AGK: variants seen among roughly 807,000 people sequenced by gnomAD.
The protein encoded by AGK is acylglycerol kinase.
AGK carries 52 observed loss-of-function variants against 66.4 expected under a neutral mutation model. The observed-to-expected ratio is 0.78, with a 90% CI of 0.63 to 0.99. AGK has a LOEUF of 0.99. AGK is among the 50% of genes least tolerant of loss of function. AGK has a pLI of 0.00. For missense variants in AGK, 451 were observed against 506.6 expected (o/e 0.89, Z 1.05); for synonymous variants, 182 against 181.1 (o/e 1.00, Z -0.04).
Position 141,620,063 on chromosome 7 carries a change from G to C in AGK, c.519-1669G>C, listed in dbSNP as rs73518070. 3.6e-3 allele frequency among the ~76,000 whole-genome samples: 548 copies of C among 151,030 alleles called. 4 individuals carry two copies. Among genetic ancestry groups the C allele is most frequent in the African/African-American group, 0.013 (515 of 41,076 alleles). On this transcript the variant is annotated intron_variant, in intron 8 of 15. Transcript: ENST00000649286. ...GATGAATTTCAAGCTCATGCTAAGA[G>C]AAAAAAACTGAACTGGAAAGGCTCC...
intron 2 of AGK, among the ~76,000 whole-genome samples, chr7:141,588,435 G>A (rs1469467755): frequency 2.6e-5 from 4 of 152,118 alleles, no homozygotes; most frequent in African/African-American, 4.8e-5. Context: ...TTCAAGATCA[G>A]CCTGGCCAAC....
intron 2 of AGK, among the ~76,000 whole-genome samples, chr7:141,586,419 G>A (rs183233377): frequency 2.6e-5 from 4 of 152,304 alleles, no homozygotes. Flanking sequence ...AAGCATGCCT[G>A]TCTGAGCACA....
rs1193601067 is a variant in AGK at position 141,653,658 on chromosome 7, G to A, written c.*734G>A. 1 of 152,132 alleles carries A rather than the reference G, an allele frequency of 6.6e-6. No homozygotes were observed. The highest frequency in any genetic ancestry group is 1.5e-5 in the Non-Finnish European group (1 of 68,022). The allele number at this position is 152,132 out of a possible 1,614,324, so 9.4% of individuals were successfully genotyped here. The stretch of plus-strand genomic sequence containing the variant: ...CCCTTCCCAGGTGATTCTGTAAGTT[G>A]TCCCTCAACTGTACTTGGAGAAATC... On this transcript the variant is annotated 3_prime_UTR_variant, in exon 16 of 16. Transcript: ENST00000649286.
chr7:141,649,329 A>T lies in AGK; in HGVS notation c.1042A>T (p.Ile348Leu). 1 of 1,610,194 alleles carries T rather than the reference A, an allele frequency of 6.2e-7. No homozygotes were observed. Among genetic ancestry groups the T allele is most frequent in the Non-Finnish European group, 8.5e-7 (1 of 1,176,700 alleles). The change falls in exon 14 of 16, where the codon ATA (isoleucine) becomes TTA (leucine). Residue 348 changes from isoleucine to leucine, a missense_variant. Transcript: ENST00000649286. ...DTISKGDFIT[I>L]GSRKVRNPKL... ...CATCAGCAAAGGAGACTTTATAACT[A>T]TAGGGTAAGTGGACTGGGGTTCACA...
intron 2 of AGK, among the ~76,000 whole-genome samples, chr7:141,569,778 G>A (rs1795559278): frequency 6.6e-6 from 1 of 152,166 alleles, no homozygotes; most frequent in Non-Finnish European, 1.5e-5. Context: ...ATCATACAAA[G>A]CCAGATAGTC....
chr7:141,616,289 C>G (rs1448814467), intron 8 of AGK: 1 of 152,164 alleles, frequency 6.6e-6, no homozygotes, highest in Non-Finnish European at 1.5e-5. Flanking sequence ...GGAGAGATAG[C>G]TGAGAGATCA....
chr7:141,634,775 C>T (rs569267564), intron 10 of AGK, among the ~76,000 whole-genome samples: 90 of 151,286 alleles, frequency 5.9e-4, no homozygotes, highest in Non-Finnish European at 1.1e-3. Flanking sequence ...TGTGGCTGAT[C>T]TCACACATAG....
chr7:141,592,725 G>A (rs1338871886), intron 2 of AGK, among the ~76,000 whole-genome samples: 1 of 151,576 alleles, frequency 6.6e-6, no homozygotes, highest in African/African-American at 2.4e-5. Flanking sequence ...GTTTTTTTCA[G>A]CAGAGTCTCG....
chr7:141,629,492 T>C (rs1406920758), intron 9 of AGK, among the ~76,000 whole-genome samples: 2 of 152,222 alleles, frequency 1.3e-5, no homozygotes, highest in Non-Finnish European at 2.9e-5. Context: ...TATTGGCTTC[T>C]ACTTTGTCCA....
intron 5 of AGK, among the ~76,000 whole-genome samples, chr7:141,603,432 T>C (rs943614747): frequency 2.0e-5 from 3 of 152,262 alleles, no homozygotes; most frequent in South Asian, 2.1e-4. Flanking sequence ...TCTTATCTAG[T>C]ACTATTGGTA....
intron 2 of AGK, among the ~76,000 whole-genome samples, chr7:141,591,082 G>GTTTTTTTTTTT (rs60762855): frequency 3.3e-5 from 2 of 61,040 alleles, no homozygotes; most frequent in Non-Finnish European, 5.8e-5. Context: ...TTCTTAAGTT[G>GTTTTTTTTTTT]TTTTTTTTTT....
chr7:141,605,038 T>C (rs758855692), intron 5 of AGK, among the ~76,000 whole-genome samples: 4 of 152,156 alleles, frequency 2.6e-5, no homozygotes, highest in Non-Finnish European at 5.9e-5. Context: ...TCAGATTATG[T>C]AGTTTAGTGG....
intron 13 of AGK, among the ~76,000 whole-genome samples, chr7:141,643,203 T>C (rs1012478073): frequency 3.3e-5 from 5 of 152,172 alleles, no homozygotes; most frequent in African/African-American, 1.2e-4. Flanking sequence ...ATAGCTCCCT[T>C]CACCCTATAA....
At chr7:141,629,540 C>T (rs1222116324) in intron 9 of AGK, among the ~76,000 whole-genome samples, 2 of 152,040 alleles carry the variant, frequency 1.3e-5, no homozygotes, top group Non-Finnish European at 2.9e-5. Flanking sequence ...CATGTGTACC[C>T]CAACAGGGAC....
At chr7:141,564,798 C>T (rs1038374483) in intron 2 of AGK, among the ~76,000 whole-genome samples, 1 of 151,950 alleles carries the variant, frequency 6.6e-6, no homozygotes, top group Non-Finnish European at 1.5e-5. Flanking sequence ...GGCATGATCT[C>T]CACTCACCAC....
chr7:141,594,352 G>A (rs1796186388), intron 3 of AGK, among the ~76,000 whole-genome samples: 1 of 151,924 alleles, frequency 6.6e-6, no homozygotes, highest in Non-Finnish European at 1.5e-5. Flanking sequence ...ACACCACCAT[G>A]TCCAGCTAAT....
chr7:141,571,363 C>G (rs1051744892), intron 2 of AGK, among the ~76,000 whole-genome samples: 2 of 152,176 alleles, frequency 1.3e-5, no homozygotes, highest in Non-Finnish European at 2.9e-5. Flanking sequence ...CTTAGAAATA[C>G]AGACTCTTAG....
chr7:141,650,321 G>A (rs1446599861), intron 14 of AGK, among the ~76,000 whole-genome samples: 2 of 152,224 alleles, frequency 1.3e-5, no homozygotes, highest in East Asian at 3.8e-4. Context: ...TTCATTGACA[G>A]TCTGGCCAGT....
chr7:141,636,062 C>T (rs1286640481), intron 10 of AGK, among the ~76,000 whole-genome samples: 3 of 152,128 alleles, frequency 2.0e-5, no homozygotes, highest in South Asian at 2.1e-4. Context: ...TTTCTAATTC[C>T]GATTAGGTGT....
Sources: allele counts gnomAD v4.1 joint callset (sites outside exome capture counted in the v4.1 genomes callset), GRCh38; gene constraint gnomAD v4.1.1; transcripts MANE v1.5; gene names NCBI Gene and HGNC (gene_info 2026-07-23, HGNC 2026-07-21).